The following OR51B5 variants were observed in gnomAD, a reference collection of about 807,000 sequenced individuals.
The protein encoded by OR51B5 is olfactory receptor family 51 subfamily B member 5, also known as olfactory receptor 51B5.
For missense variants in OR51B5, 456 were observed against 374.6 expected (o/e 1.22, Z -1.79); for synonymous variants, 186 against 144.8 (o/e 1.28, Z -2.04).
At chr11:5,351,463 A>G (rs1420499145) in intron 1 of OR51B5, 3 of 1,486,266 alleles carry the variant, frequency 2.0e-6, no homozygotes, top group African/African-American at 1.4e-5. Flanking sequence ...ACTGATTACT[A>G]TTGCTTTACC....
At chr11:5,501,407 GA>G (rs1481682460) in intron 1 of OR51B5, among the ~76,000 whole-genome samples, 1 of 148,134 alleles carries the variant, frequency 6.8e-6, no homozygotes, top group Non-Finnish European at 1.5e-5. Flanking sequence ...ATAAAATCCT[GA>G]TGGGAGTAGC....
At chr11:5,378,041 G>C (rs368704441) in intron 1 of OR51B5, among the ~76,000 whole-genome samples, 10 of 152,146 alleles carry the variant, frequency 6.6e-5, no homozygotes, top group African/African-American at 2.2e-4. Context: ...GGAGGCATCA[G>C]GCTACCTCAC....
intron 1 of OR51B5, among the ~76,000 whole-genome samples, chr11:5,481,649 A>C (rs1851422157): frequency 7.0e-6 from 1 of 143,498 alleles, no homozygotes; most frequent in Admixed American, 6.9e-5. Context: ...CTGATAAGCA[A>C]CTTCAGCAAA....
intron 1 of OR51B5, among the ~76,000 whole-genome samples, chr11:5,383,016 A>T (rs1211000786): frequency 6.6e-6 from 1 of 152,202 alleles, no homozygotes; most frequent in Non-Finnish European, 1.5e-5. Context: ...GTTTTGAAAG[A>T]AAAGAGAAAT....
At chr11:5,360,187 T>C (rs1280212249) in intron 1 of OR51B5, among the ~76,000 whole-genome samples, 1 of 128,378 alleles carries the variant, frequency 7.8e-6, no homozygotes, top group Non-Finnish European at 1.8e-5. Flanking sequence ...CAAAAGAAAC[T>C]ACCATCAGAG....
intron 1 of OR51B5, among the ~76,000 whole-genome samples, chr11:5,371,446 G>A (rs1011401353): frequency 6.6e-6 from 1 of 152,092 alleles, no homozygotes; most frequent in Non-Finnish European, 1.5e-5. Context: ...ACCAGAGGCA[G>A]AGGTACCCTG....
intron 1 of OR51B5, among the ~76,000 whole-genome samples, chr11:5,437,188 A>G (rs1179180481): frequency 6.6e-6 from 1 of 152,142 alleles, no homozygotes; most frequent in Non-Finnish European, 1.5e-5. Flanking sequence ...AGTTGGAGAC[A>G]AATTCTCCAA....
intron 1 of OR51B5, among the ~76,000 whole-genome samples, chr11:5,375,330 G>T (rs1010428849): frequency 1.3e-5 from 2 of 151,408 alleles, no homozygotes; most frequent in Non-Finnish European, 2.9e-5. Context: ...GCTCCTGAAG[G>T]AAGCACTAAA....
chr11:5,484,672 A>C (rs1424145159), intron 1 of OR51B5, among the ~76,000 whole-genome samples: 1 of 152,170 alleles, frequency 6.6e-6, no homozygotes, highest in Admixed American at 6.5e-5. Context: ...GTAGAGGAGG[A>C]CTTGTCTTCT....
rs567167039 is a variant in OR51B5, at chr11:5,485,286, A to G, written n.84+20283T>C. On this transcript the variant is annotated intron_variant and non_coding_transcript_variant, in intron 1 of 4. Coordinates refer to the OR51B5 transcript ENST00000415970. ...CCTCTCACGTTTTCTAAGTGCATCA[A>G]AAAGAAGGTTAACAGTAATAATATC... Among the ~76,000 whole-genome samples the G allele has an allele frequency of 6.6e-5, 10 of 152,336 alleles. No homozygotes were observed. The South Asian group carries it at 1.9e-3, about 28-fold the overall frequency.
At chr11:5,390,188 T>C (rs1849773606) in intron 1 of OR51B5, 1 of 1,614,040 alleles carries the variant, frequency 6.2e-7, no homozygotes, top group South Asian at 1.1e-5. Flanking sequence ...GCTAGTATTC[T>C]TTGTGCCCAT....
intron 1 of OR51B5, among the ~76,000 whole-genome samples, chr11:5,380,409 C>T (rs1050950894): frequency 2.0e-5 from 3 of 152,174 alleles, no homozygotes; most frequent in African/African-American, 4.8e-5. Flanking sequence ...AGACCCGCAT[C>T]GATCTCACAC....
Position 5,469,098 on chromosome 11 carries a change from A to C in OR51B5, n.84+36471T>G. 7 of 236,538 alleles carry C rather than the reference A, an allele frequency of 3.0e-5. No individual in the cohort carries two copies. In the South Asian group the frequency reaches 3.8e-4, roughly 13 times the overall value. 14.7% of individuals were successfully genotyped at this position (236,538 alleles called of 1,614,324 possible). A position where few individuals can be genotyped will look rare whatever the true frequency, so the allele number is the denominator to read the frequency against. ...AGGATGCCAAACTCTGTCCAGGAGGAAAAGTGGATGAAGAACGTCTGGGCC... is the reference window on the plus strand; with the variant it reads ...AGGATGCCAAACTCTGTCCAGGAGGCAAAGTGGATGAAGAACGTCTGGGCC... On this transcript the variant is annotated intron_variant and non_coding_transcript_variant, in intron 1 of 4. Transcript: ENST00000415970.
chr11:5,454,489 A>G (rs1850922713), intron 1 of OR51B5: 2 of 1,232,750 alleles, frequency 1.6e-6, no homozygotes, highest in Admixed American at 2.0e-5. Flanking sequence ...TAGCATCGTC[A>G]TCATCATCAT....
chr11:5,395,854 A>C (rs556033680), intron 1 of OR51B5, among the ~76,000 whole-genome samples: 78 of 152,312 alleles, frequency 5.1e-4, no homozygotes, highest in African/African-American at 1.8e-3. Flanking sequence ...ATTATTTTTC[A>C]ATCTTTTCTT....
chr11:5,356,110 T>A (rs11825642), intron 1 of OR51B5, among the ~76,000 whole-genome samples: 56,545 of 150,682 alleles, frequency 0.38, 11,126 homozygotes, highest in Non-Finnish European at 0.4. Context: ...CCAGCAACGG[T>A]ACAAAGCTGG....
intron 1 of OR51B5, among the ~76,000 whole-genome samples, chr11:5,402,382 A>G (rs1849984262): frequency 6.6e-6 from 1 of 152,200 alleles, no homozygotes; most frequent in Non-Finnish European, 1.5e-5. Context: ...CTATCTGCCT[A>G]TGACAGAAGC....
rs1274914290 is a variant in OR51B5 at position 5,465,192 on chromosome 11, C to T, written n.84+40377G>A. ...CTGCACTCCAGCCTGGGCGACAGAGCGAGACTCCGTCTCAAAAAAAAAAAA... is the reference window on the plus strand; with the variant it reads ...CTGCACTCCAGCCTGGGCGACAGAGTGAGACTCCGTCTCAAAAAAAAAAAA... On this transcript the variant is annotated intron_variant and non_coding_transcript_variant, in intron 1 of 4. Transcript: ENST00000415970. Among the ~76,000 whole-genome samples, 13 of 97,174 alleles carry T rather than the reference C, an allele frequency of 1.3e-4. No homozygotes were observed. In the Admixed American group the frequency reaches 1.9e-3, roughly 14 times the overall value. 63.7% of individuals were successfully genotyped at this position (97,174 alleles called of 152,430 possible). A position where few individuals can be genotyped will look rare whatever the true frequency, so the allele number is the denominator to read the frequency against.
At chr11:5,492,385 GC>G (rs1384315300) in intron 1 of OR51B5, among the ~76,000 whole-genome samples, 2 of 152,064 alleles carry the variant, frequency 1.3e-5, no homozygotes, top group Non-Finnish European at 2.9e-5. Context: ...ATTGTGATGT[GC>G]TAACAATGGT....
Sources: allele counts gnomAD v4.1 joint callset (sites outside exome capture counted in the v4.1 genomes callset), GRCh38; gene constraint gnomAD v4.1.1; transcripts MANE v1.5; gene names NCBI Gene and HGNC (gene_info 2026-07-23, HGNC 2026-07-21).